The following SYNE1 variants were observed in gnomAD, a reference collection of about 807,000 sequenced individuals.
SYNE1 encodes spectrin repeat containing nuclear envelope protein 1, also known as nesprin-1.
Under a neutral mutation model 1,111.0 loss-of-function variants are expected in SYNE1, and 616 were observed. That is an observed-to-expected ratio of 0.55 (90% CI 0.52 to 0.59). SYNE1 has a LOEUF of 0.59. Among genes scored for constraint, SYNE1 ranks in the 20% least tolerant of loss-of-function variants. The pLI, the probability that SYNE1 is intolerant of heterozygous loss-of-function variation, is 0.00. For missense variants in SYNE1, 10,006 were observed against 10,417.0 expected, an observed-to-expected ratio of 0.96 and a Z score of 1.72; for synonymous variants, 3,855 against 3,825.8, an observed-to-expected ratio of 1.01 and a Z score of -0.28.
chr6:152,467,466 C>G (rs1301481234), intron 16 of SYNE1, among the ~76,000 whole-genome samples: 1 of 151,960 alleles, frequency 6.6e-6, no homozygotes, highest in African/African-American at 2.4e-5. Context: ...TTATATTTGG[C>G]AAAGTTTAGA....
rs114512503 is a variant in SYNE1 at position 152,404,068 on chromosome 6, A to G, written c.6825+145T>C. The stretch of plus-strand genomic sequence containing the variant: ...ATATAGATGTATATGAGATATATGT[A>G]TCAGATATAGATATATACGAGATAT... On this transcript the variant is annotated intron_variant, in intron 46 of 145. Transcript: ENST00000367255. 2.1e-3 allele frequency: 1,007 copies of G among 487,356 alleles called. 9 individuals carry two copies. Among genetic ancestry groups the G allele is most frequent in the African/African-American group, 0.019 (948 of 49,694 alleles). The allele number at this position is 487,356 out of a possible 1,614,324, so 30.2% of individuals were successfully genotyped here.
At position 152,154,998 on chromosome 6, in the gene SYNE1, T is replaced by C. The variant is rs1563075249; in HGVS notation, c.24023A>G (p.Tyr8008Cys). The change falls in exon 133 of 146, where the codon TAT (tyrosine) becomes TGT (cysteine). Residue 8008 changes from tyrosine (Y) to cysteine (C), a missense_variant. This residue lies in a region of SYNE1 where 2,182 missense variants were observed against 2,287.8 expected (regional missense o/e 0.95). Transcript: ENST00000367255. ...WRLWQKFLDD[Y>C]SRFEDWLKSS... ...CTTCAGCCAATCTTCAAAACGTGAA[T>C]AGTCATCCAGAAATTTCTGCCACAA... 3 of 1,614,210 alleles carry C rather than the reference T, an allele frequency of 1.9e-6. No individual in the cohort carries two copies. The highest frequency in any genetic ancestry group is 1.7e-6 in the Non-Finnish European group (2 of 1,180,022).
chr6:152,628,298 G>A lies in SYNE1; in HGVS notation c.34C>T (p.Arg12Trp), dbSNP rs766660347. The change falls in exon 3 of 146, where the codon CGG becomes TGG. Residue 12 changes from arginine (R) to tryptophan (W), a missense_variant. Coordinates refer to ENST00000367255, the MANE Select transcript of SYNE1 (RefSeq NM_182961.4). ...ATSRGASRCP[R>W]DIANVMQRLQ... Reference sequence around the variant, plus strand: ...CTCTGCATCACATTGGCGATATCCCGAGGACACCGGGAGGCCCCTCTGGAG... The same window carrying A: ...CTCTGCATCACATTGGCGATATCCCAAGGACACCGGGAGGCCCCTCTGGAG... 40 of 1,613,942 alleles carry A rather than the reference G, an allele frequency of 2.5e-5. No individual in the cohort carries two copies. Among genetic ancestry groups the A allele is most frequent in the South Asian group, 2.2e-4 (20 of 91,084 alleles).
intron 8 of SYNE1, among the ~76,000 whole-genome samples, chr6:152,505,994 AC>A (rs1274567508): frequency 6.6e-6 from 1 of 152,214 alleles, no homozygotes; most frequent in Non-Finnish European, 1.5e-5. Context: ...CCTGTATTCC[AC>A]CTAAATGCAA....
At chr6:152,491,860 C>T (rs1313757793) in intron 11 of SYNE1, among the ~76,000 whole-genome samples, 3 of 152,046 alleles carry the variant, frequency 2.0e-5, no homozygotes, top group Admixed American at 6.6e-5. Context: ...GGCTGCTCCT[C>T]ACCAGGCTGA....
At chr6:152,339,094 C>T in intron 75 of SYNE1, 147 bp downstream of exon 75, 1 of 1,110,500 alleles carries the variant, frequency 9.0e-7, no homozygotes, top group Non-Finnish European at 1.3e-6. Flanking sequence ...AGCTGAAATT[C>T]AAATATCTAT....
chr6:152,373,285 CT>C lies in SYNE1; in HGVS notation c.9325-67del, dbSNP rs11319149. On this transcript the variant is annotated intron_variant, in intron 58 of 145. Transcript: ENST00000367255. ...GTGTGTTGTTTCTATTTTTTCTTTT[CT>C]TTTTTTTTTTTGAGATGGAGTCTCA... 0.082 allele frequency: 85,026 copies of C among 1,039,600 alleles called. 200 individuals are homozygous for C. Among genetic ancestry groups the C allele is most frequent in the African/African-American group, 0.11 (6,476 of 59,830 alleles). 64.4% of individuals were successfully genotyped at this position (1,039,600 alleles called of 1,614,324 possible).
chr6:152,218,051 C>G (rs1452177457), intron 121 of SYNE1, among the ~76,000 whole-genome samples: 3 of 151,910 alleles, frequency 2.0e-5, no homozygotes, highest in Non-Finnish European at 4.4e-5. Flanking sequence ...AAAAACTAGC[C>G]AGGAGTGGTG....
At chr6:152,150,664 A>G (rs1003549842) in intron 135 of SYNE1, among the ~76,000 whole-genome samples, 1 of 152,218 alleles carries the variant, frequency 6.6e-6, no homozygotes, top group Non-Finnish European at 1.5e-5. Flanking sequence ...AAAACACTCA[A>G]TTTGTTAAAT....
intron 46 of SYNE1, 97 bp downstream of exon 46, chr6:152,404,116 T>TATATATACAC (rs747022132): frequency 4.4e-5 from 27 of 616,844 alleles, no homozygotes; most frequent in African/African-American, 1.9e-4. Flanking sequence ...TATATATATA[T>TATATATACAC]ACACACACAC....
At position 152,233,835 on chromosome 6, in the gene SYNE1, G is replaced by A; in HGVS notation, c.20658C>T (p.Ser6886=). 1 of 1,614,194 alleles carries A rather than the reference G, an allele frequency of 6.2e-7. No homozygotes were observed. Among genetic ancestry groups the A allele is most frequent in the South Asian group, 1.1e-5 (1 of 91,084 alleles). The part of the protein sequence containing the change: ...TLRSELSRID[S]QWTDLLTNIP... ...TATTGGTTAGCAGGTCAGTCCACTG[G>A]CTATCAATGCGCGACAGCTCAGAGC... The change falls in exon 112 of 146, where the codon AGC becomes AGT. Residue 6886 remains serine, a synonymous_variant. Transcript: ENST00000367255.
intron 57 of SYNE1, 33 bp downstream of exon 57, chr6:152,376,743 A>C: frequency 6.2e-7 from 1 of 1,612,652 alleles, no homozygotes; most frequent in Admixed American, 1.7e-5. Context: ...TTTGTATAAA[A>C]ATATCTTGAA....
At chr6:152,155,149 G>A (rs964683975) in intron 132 of SYNE1, 107 bp from the exon 133 acceptor site, 144 of 1,389,418 alleles carry the variant, frequency 1.0e-4, no homozygotes, top group Non-Finnish European at 1.4e-4. Flanking sequence ...AGAGGCAACT[G>A]TTGTGCCAAA....
intron 108 of SYNE1, among the ~76,000 whole-genome samples, chr6:152,237,306 CTT>C (rs61142738): frequency 0.35 from 41,612 of 118,834 alleles, 6,913 homozygotes; most frequent in Admixed American, 0.45. Context: ...TGGGTATGCA[CTT>C]TTTTTTTTTT....
intron 14 of SYNE1, chr6:152,481,102 C>T (rs1428982975): frequency 7.2e-5 from 16 of 222,196 alleles, no homozygotes; most frequent in African/African-American, 2.3e-4. Flanking sequence ...CTATAGTGTG[C>T]CTTGAATTAA....
intron 131 of SYNE1, among the ~76,000 whole-genome samples, chr6:152,158,971 G>C (rs1343142264): frequency 6.6e-6 from 1 of 151,648 alleles, no homozygotes; most frequent in Non-Finnish European, 1.5e-5. Flanking sequence ...TCTTTTTTTT[G>C]AGACGGAGTC....
intron 51 of SYNE1, among the ~76,000 whole-genome samples, chr6:152,393,511 C>T (rs2097680633): frequency 6.6e-6 from 1 of 151,420 alleles, no homozygotes; most frequent in South Asian, 2.1e-4. Context: ...TTTTCTGGCA[C>T]TATACTAGAT....
At chr6:152,193,467 G>A (rs923014911) in intron 127 of SYNE1, among the ~76,000 whole-genome samples, 4 of 151,914 alleles carry the variant, frequency 2.6e-5, no homozygotes, top group Admixed American at 6.6e-5. Flanking sequence ...ACAGGCACAC[G>A]CCACCCCACC....
intron 119 of SYNE1, among the ~76,000 whole-genome samples, chr6:152,220,435 G>C (rs2079889008): frequency 6.6e-6 from 1 of 152,166 alleles, no homozygotes; most frequent in Admixed American, 6.6e-5. Context: ...TAATATCTTA[G>C]ATGAAACTAT....
Sources: gnomAD v4.1 joint callset for allele counts (sites outside exome capture counted in the v4.1 genomes callset) on GRCh38, gnomAD v4.1.1 for gene constraint, gnomAD v4.1.1 regional missense constraint, MANE v1.5 for transcripts, NCBI Gene and HGNC (gene_info 2026-07-23, HGNC 2026-07-21) for gene names.